The following SUPT3H variants were observed in gnomAD, a reference collection of about 807,000 sequenced individuals.
SUPT3H encodes the protein transcription initiation protein SPT3 homolog.
Under a neutral mutation model 44.3 loss-of-function variants are expected in SUPT3H, and 44 were observed. That is an observed-to-expected ratio of 0.99 (90% CI 0.78 to 1.28). The LOEUF is 1.28. SUPT3H is among the 50% of genes most tolerant of loss of function. The pLI is 0.00. For missense variants in SUPT3H, 380 were observed against 387.1 expected (o/e 0.98, Z 0.15); for synonymous variants, 124 against 125.6 (o/e 0.99, Z 0.09).
intron 8 of SUPT3H, among the ~76,000 whole-genome samples, chr6:44,953,920 T>C (rs768524375): frequency 1.6e-4 from 24 of 151,926 alleles, no homozygotes; most frequent in Non-Finnish European, 2.8e-4. Context: ...GTATTATTAG[T>C]AGAGATGTGG....
chr6:45,127,299 G>A (rs1456472419), intron 2 of SUPT3H, among the ~76,000 whole-genome samples: 1 of 152,098 alleles, frequency 6.6e-6, no homozygotes, highest in Non-Finnish European at 1.5e-5. Context: ...AGGAGACTGA[G>A]TGAGAATCCG....
chr6:44,904,196 G>C (rs1185126920), intron 10 of SUPT3H, among the ~76,000 whole-genome samples: 2 of 152,038 alleles, frequency 1.3e-5, no homozygotes, highest in Non-Finnish European at 2.9e-5. Context: ...AGGAAATAAA[G>C]GGTATTCAAT....
intron 2 of SUPT3H, among the ~76,000 whole-genome samples, chr6:45,177,784 A>G (rs1227288476): frequency 6.6e-6 from 1 of 152,040 alleles, no homozygotes; most frequent in East Asian, 1.9e-4. Context: ...TAAAGAAAAG[A>G]ATTTTCAACC....
intron 5 of SUPT3H, among the ~76,000 whole-genome samples, chr6:45,008,382 G>T (rs1484658661): frequency 1.3e-5 from 2 of 152,084 alleles, no homozygotes; most frequent in East Asian, 3.9e-4. Context: ...AATAGATAGG[G>T]TCTCGCTCTG....
At chr6:45,134,470 G>A (rs1046303079) in intron 2 of SUPT3H, among the ~76,000 whole-genome samples, 1 of 152,038 alleles carries the variant, frequency 6.6e-6, no homozygotes, top group African/African-American at 2.4e-5. Context: ...CATCCCAATA[G>A]CCCCAAAGTC....
At chr6:45,196,192 GCTTTAGAAGTACTC>G (rs1815987114) in intron 2 of SUPT3H, among the ~76,000 whole-genome samples, 1 of 152,034 alleles carries the variant, frequency 6.6e-6, no homozygotes, top group African/African-American at 2.4e-5. Flanking sequence ...CAGATATATT[GCTTTAGAAGTACTC>G]CTACCATTCT....
intron 3 of SUPT3H, among the ~76,000 whole-genome samples, chr6:45,022,000 T>C (rs997071442): frequency 3.9e-5 from 6 of 152,034 alleles, no homozygotes; most frequent in African/African-American, 9.7e-5. Context: ...GGCATGAACA[T>C]ATTTTTTCTA....
chr6:45,226,776 G>A (rs899133172), intron 2 of SUPT3H, among the ~76,000 whole-genome samples: 13 of 151,960 alleles, frequency 8.6e-5, no homozygotes, highest in African/African-American at 3.1e-4. Context: ...TGATCCGCCC[G>A]CCCTGCCCTC....
intron 3 of SUPT3H, among the ~76,000 whole-genome samples, chr6:45,060,044 C>T (rs1791741725): frequency 6.6e-6 from 1 of 152,030 alleles, no homozygotes; most frequent in African/African-American, 2.4e-5. Flanking sequence ...GAATTCAATG[C>T]TATTCCCATT....
intron 10 of SUPT3H, among the ~76,000 whole-genome samples, chr6:44,908,441 G>A (rs548841094): frequency 4.6e-5 from 7 of 152,124 alleles, no homozygotes; most frequent in Admixed American, 1.3e-4. Context: ...ATAAGCCACC[G>A]TGTCTGGCCA....
intron 2 of SUPT3H, among the ~76,000 whole-genome samples, chr6:45,182,293 C>G (rs1027222684): frequency 3.9e-5 from 6 of 152,216 alleles, no homozygotes; most frequent in Non-Finnish European, 8.8e-5. Flanking sequence ...CAGAGTCTCA[C>G]TGTAACCCCC....
Position 44,828,159 on chromosome 6 carries a change from A to G in SUPT3H, c.*1657T>C, listed in dbSNP as rs1478324010. 6.7e-6 allele frequency among the ~76,000 whole-genome samples: 1 copy of G among 148,188 alleles called. No individual in the cohort carries two copies. Among genetic ancestry groups the G allele is most frequent in the Non-Finnish European group, 1.5e-5 (1 of 66,810 alleles). Reference sequence around the variant, plus strand: ...TCTATAAGCCTGGCAGATCAAAACCAAATACAATAAATGCTATCGTTTAAA... The same window carrying G: ...TCTATAAGCCTGGCAGATCAAAACCGAATACAATAAATGCTATCGTTTAAA... On this transcript the variant is annotated 3_prime_UTR_variant, in exon 11 of 11. Coordinates refer to ENST00000371459, the MANE Select transcript of SUPT3H (RefSeq NM_003599.4).
At chr6:45,056,419 T>C (rs1166504811) in intron 3 of SUPT3H, among the ~76,000 whole-genome samples, 1 of 152,132 alleles carries the variant, frequency 6.6e-6, no homozygotes, top group African/African-American at 2.4e-5. Flanking sequence ...TGCAAAAATA[T>C]GAAACCAGTG....
In SUPT3H at chr6:45,175,712, T is replaced by TAA. The variant is rs11377496; in HGVS notation, c.102-69708_102-69707dup. On this transcript the variant is annotated intron_variant, in intron 2 of 10. Transcript: ENST00000371459. ...GCCCTGAGGCAGACTCAAGTGATAT[T>TAA]AAAAAAAAATGGTAATTTTTAGGCT... 6.2e-4 allele frequency among the ~76,000 whole-genome samples: 94 copies of TAA among 151,344 alleles called. 1 individual carries two copies. The highest frequency in any genetic ancestry group is 3.8e-3 in the South Asian group (18 of 4,780).
intron 9 of SUPT3H, among the ~76,000 whole-genome samples, chr6:44,939,183 A>G (rs1449606080): frequency 5.3e-5 from 8 of 152,294 alleles, no homozygotes; most frequent in African/African-American, 1.2e-4. Context: ...TTTCCACTTC[A>G]GTATGATGTT....
intron 6 of SUPT3H, among the ~76,000 whole-genome samples, chr6:44,994,262 A>C (rs9885796): frequency 0.24 from 36,363 of 151,956 alleles, 4,585 homozygotes; most frequent in Admixed American, 0.37. Flanking sequence ...CTCAATAAAT[A>C]AATGTTTAAT....
chr6:44,897,187 C>T (rs1172721365), intron 10 of SUPT3H, among the ~76,000 whole-genome samples: 3 of 152,124 alleles, frequency 2.0e-5, no homozygotes, highest in Admixed American at 6.5e-5. Context: ...AGAATGAAGA[C>T]CTTTTCTCTA....
intron 2 of SUPT3H, among the ~76,000 whole-genome samples, chr6:45,303,431 G>A (rs971893835): frequency 6.6e-6 from 1 of 151,920 alleles, no homozygotes; most frequent in African/African-American, 2.4e-5. Flanking sequence ...CAACAAAAAA[G>A]CAAACAATCC....
intron 2 of SUPT3H, among the ~76,000 whole-genome samples, chr6:45,262,822 G>A (rs185629078): frequency 6.6e-6 from 1 of 152,070 alleles, no homozygotes; most frequent in African/African-American, 2.4e-5. Flanking sequence ...TAAAAAGTGG[G>A]CAAAAGACAT....
Sources: gnomAD v4.1 joint callset for allele counts (sites outside exome capture counted in the v4.1 genomes callset) on GRCh38, gnomAD v4.1.1 for gene constraint, MANE v1.5 for transcripts, NCBI Gene and HGNC (gene_info 2026-07-23, HGNC 2026-07-21) for gene names.